The following HRH1 variants were observed in gnomAD, a reference collection of about 807,000 sequenced individuals.
HRH1 encodes the protein histamine receptor H1.
In HRH1, 6 loss-of-function variants were observed where a neutral mutation model predicts 10.3. The observed-to-expected ratio is 0.58, with a 90% confidence interval of 0.32 to 1.15. The LOEUF (loss-of-function observed/expected upper bound fraction) is 1.15, where lower values mean the gene tolerates loss of function less well. Ranked by LOEUF, HRH1 falls within the 50% of genes most tolerant of loss-of-function variation. The pLI, the probability that HRH1 is intolerant of heterozygous loss-of-function variation, is 0.05. For missense variants in HRH1, 514 were observed against 615.3 expected, an observed-to-expected ratio of 0.84 and a Z score of 1.74; for synonymous variants, 242 against 236.7, an observed-to-expected ratio of 1.02 and a Z score of -0.21.
At chr3:11,227,260 C>T (rs1454771901) in intron 1 of HRH1, among the ~76,000 whole-genome samples, 1 of 151,956 alleles carries the variant, frequency 6.6e-6, no homozygotes, top group East Asian at 1.9e-4. Context: ...GAAGGAAATG[C>T]CATTTGCCTA....
upstream of HRH1, among the ~76,000 whole-genome samples, chr3:11,151,797 G>C (rs1036332485): frequency 6.6e-6 from 1 of 152,194 alleles, no homozygotes; most frequent in African/African-American, 2.4e-5. Flanking sequence ...GAGCCACCAT[G>C]CCCGGCCCAT....
chr3:11,211,187 T>C (rs554374519), intron 1 of HRH1, among the ~76,000 whole-genome samples: 1 of 152,350 alleles, frequency 6.6e-6, no homozygotes, highest in Non-Finnish European at 1.5e-5. Context: ...GAGAGTCATT[T>C]AGACCAGTGG....
intron 1 of HRH1, among the ~76,000 whole-genome samples, chr3:11,171,350 A>G (rs1937147487): frequency 6.6e-6 from 1 of 151,974 alleles, no homozygotes; most frequent in African/African-American, 2.4e-5. Flanking sequence ...TCCTGACCTC[A>G]AGTGATCCAC....
chr3:11,186,361 C>T (rs1032458920), intron 1 of HRH1, among the ~76,000 whole-genome samples: 3 of 152,206 alleles, frequency 2.0e-5, no homozygotes, highest in Non-Finnish European at 4.4e-5. Flanking sequence ...TGCCAGTGCC[C>T]TTATTCATCA....
At chr3:11,204,443 G>A (rs1938042526) in intron 1 of HRH1, among the ~76,000 whole-genome samples, 1 of 152,140 alleles carries the variant, frequency 6.6e-6, no homozygotes, top group South Asian at 2.1e-4. Context: ...CAAGCAGAGG[G>A]AATAGCACTT....
chr3:11,178,358 C>T (rs1937285180), intron 1 of HRH1, among the ~76,000 whole-genome samples: 1 of 152,190 alleles, frequency 6.6e-6, no homozygotes, highest in African/African-American at 2.4e-5. Context: ...GCTTTGGGGA[C>T]AAATGTGGTT....
chr3:11,245,439 GTAA>G (rs746899353), intron 1 of HRH1, among the ~76,000 whole-genome samples: 5 of 152,154 alleles, frequency 3.3e-5, no homozygotes, highest in Admixed American at 1.3e-4. Context: ...GTGACCTTGA[GTAA>G]GATGCTTCAC....
chr3:11,217,791 C>T (rs1160041752), intron 1 of HRH1, among the ~76,000 whole-genome samples: 1 of 152,108 alleles, frequency 6.6e-6, no homozygotes, highest in Non-Finnish European at 1.5e-5. Context: ...TTAAGTATAA[C>T]AGCTGCTAAG....
At chr3:11,198,238 C>T (rs565469807) in intron 1 of HRH1, among the ~76,000 whole-genome samples, 18 of 152,256 alleles carry the variant, frequency 1.2e-4, no homozygotes, top group African/African-American at 1.7e-4. Flanking sequence ...TTCAGGCCCA[C>T]GGTGCCTGCT....
At chr3:11,168,350 C>T (rs1937087962) in intron 1 of HRH1, among the ~76,000 whole-genome samples, 1 of 152,108 alleles carries the variant, frequency 6.6e-6, no homozygotes, top group Non-Finnish European at 1.5e-5. Context: ...CTGCAGGGTT[C>T]TCAGCCTGCA....
rs146205720 is a variant in HRH1, at chr3:11,195,131, G to T, written c.-36+40577G>T. On this transcript the variant is annotated intron_variant, in intron 1 of 1. Transcript: ENST00000431010. ...TCACACATCCAGCCGAAACCTTTGA[G>T]AGTGCAGTTTGGCATCCCTCCAGGA... 1.8e-3 allele frequency among the ~76,000 whole-genome samples: 269 copies of T among 152,254 alleles called. 1 individual carries two copies. The highest frequency in any genetic ancestry group is 6.0e-3 in the African/African-American group (250 of 41,540).
At chr3:11,162,336 G>A (rs1285554807) in intron 1 of HRH1, among the ~76,000 whole-genome samples, 1 of 151,968 alleles carries the variant, frequency 6.6e-6, no homozygotes, top group Non-Finnish European at 1.5e-5. Flanking sequence ...TGGGCAAGAA[G>A]CATTTTCCTC....
At chr3:11,191,630 C>A (rs1937532732) in intron 1 of HRH1, among the ~76,000 whole-genome samples, 1 of 152,232 alleles carries the variant, frequency 6.6e-6, no homozygotes, top group Non-Finnish European at 1.5e-5. Flanking sequence ...GTGCCAAAGT[C>A]CCCAGAACCT....
intron 1 of HRH1, among the ~76,000 whole-genome samples, chr3:11,215,520 A>T (rs893251597): frequency 1.1e-4 from 17 of 152,146 alleles, no homozygotes; most frequent in African/African-American, 3.9e-4. Context: ...AGCTCACTGC[A>T]AGCTCTGCCT....
In HRH1 at chr3:11,260,956, G is replaced by T. The variant is rs201859668; in HGVS notation, c.*455G>T. 2 of 177,238 alleles carry T rather than the reference G, an allele frequency of 1.1e-5. No individual in the cohort carries two copies. Among genetic ancestry groups the T allele is most frequent in the African/African-American group, 4.8e-5 (2 of 41,526 alleles). 11.0% of individuals were successfully genotyped at this position (177,238 alleles called of 1,614,324 possible). ...GACTCTTGAGCCCTCCTGGAATGGA[G>T]CTGTATAACTGTGCAGAGACTTTAT... On this transcript the variant is annotated 3_prime_UTR_variant, in exon 2 of 2. Transcript: ENST00000431010.
rs147786853 is a variant in HRH1, at chr3:11,245,170, T to C, written c.-35-13833T>C. 1.3e-3 allele frequency among the ~76,000 whole-genome samples: 196 copies of C among 152,160 alleles called. 5 individuals are homozygous for C. The East Asian group carries it at 0.036, about 28-fold the overall frequency. ...GAGTTTCAGACCACCCTGGCCAACA[T>C]AGCAAAACCCCGTCTCTACTAAAAA... On this transcript the variant is annotated intron_variant, in intron 1 of 1. Coordinates refer to ENST00000431010, the MANE Select transcript of HRH1 (RefSeq NM_001098212.2).
intron 1 of HRH1, among the ~76,000 whole-genome samples, chr3:11,179,116 C>T (rs536157954): frequency 2.5e-4 from 38 of 152,198 alleles, no homozygotes; most frequent in African/African-American, 8.4e-4. Context: ...GGCAAAACCC[C>T]GTCTCTACTA....
At chr3:11,219,124 C>T (rs905483773) in intron 1 of HRH1, among the ~76,000 whole-genome samples, 6 of 151,966 alleles carry the variant, frequency 3.9e-5, no homozygotes, top group East Asian at 1.9e-4. Flanking sequence ...CTCCTGACCT[C>T]GTGATCCACC....
chr3:11,207,297 T>C (rs1328241407), intron 1 of HRH1, among the ~76,000 whole-genome samples: 1 of 151,754 alleles, frequency 6.6e-6, no homozygotes, highest in African/African-American at 2.4e-5. Flanking sequence ...GGGCACGGTG[T>C]CCCACGCCTG....
Sources: allele counts gnomAD v4.1 joint callset (sites outside exome capture counted in the v4.1 genomes callset), GRCh38; gene constraint gnomAD v4.1.1; transcripts MANE v1.5; gene names NCBI Gene and HGNC (gene_info 2026-07-23, HGNC 2026-07-21).